DIAPH3: variants seen among roughly 807,000 people sequenced by gnomAD.
The protein encoded by DIAPH3 is protein diaphanous homolog 3.
In DIAPH3, 117 loss-of-function variants were observed where a neutral mutation model predicts 144.3. That is an observed-to-expected ratio of 0.81 (90% CI 0.70 to 0.95). The LOEUF (loss-of-function observed/expected upper bound fraction) is 0.95. Ranked by LOEUF, DIAPH3 falls within the 40% of genes least tolerant of loss-of-function variation. DIAPH3 has a pLI of 0.00. For missense variants in DIAPH3, 1,421 were observed against 1,412.7 expected (o/e 1.01, Z -0.09); for synonymous variants, 519 against 488.9 (o/e 1.06, Z -0.81).
At chr13:59,907,513 CA>C (rs905089454) in intron 20 of DIAPH3, among the ~76,000 whole-genome samples, 2 of 151,704 alleles carry the variant, frequency 1.3e-5, no homozygotes, top group South Asian at 2.1e-4. Flanking sequence ...TGATCATCTA[CA>C]AAAAAAAGTC....
rs146851359 is a variant in DIAPH3, at chr13:59,907,710, G to A, written c.2367+4025C>T. Among the ~76,000 whole-genome samples the A allele has an allele frequency of 4.7e-4, 71 of 152,284 alleles. No individual in the cohort carries two copies. In the East Asian group the frequency reaches 0.012, roughly 25 times the overall value. On this transcript the variant is annotated intron_variant, in intron 20 of 27. Transcript: ENST00000400324. ...CATGTCCAGTGACAAGAACCACAAG[G>A]AGATCAGTTCAAGAAGGTAACTTAA...
At chr13:59,761,054 A>C (rs4886194) in intron 27 of DIAPH3, among the ~76,000 whole-genome samples, 3 of 152,038 alleles carry the variant, frequency 2.0e-5, no homozygotes, top group African/African-American at 7.3e-5. Flanking sequence ...AATAATTTCT[A>C]ATTTACTTGG....
intron 27 of DIAPH3, among the ~76,000 whole-genome samples, chr13:59,700,136 CCA>C (rs1207520415): frequency 6.6e-6 from 1 of 152,162 alleles, no homozygotes; most frequent in Non-Finnish European, 1.5e-5. Context: ...AGCGTTACCA[CCA>C]TTTTCCCATT....
chr13:59,958,150 T>C (rs1011633544), intron 17 of DIAPH3, among the ~76,000 whole-genome samples: 4 of 152,198 alleles, frequency 2.6e-5, no homozygotes, highest in African/African-American at 9.6e-5. Context: ...ATTTTTCCAA[T>C]TAAAATAAAC....
chr13:60,014,969 T>TTTTTGTTTTG (rs71089521), intron 7 of DIAPH3, among the ~76,000 whole-genome samples: 39,523 of 146,906 alleles, frequency 0.27, 5,870 homozygotes, highest in Middle Eastern at 0.36. Flanking sequence ...TTTTCTAGTT[T>TTTTTGTTTTG]TTTTGTTTTG....
At chr13:59,797,910 G>T (rs143939674) in intron 25 of DIAPH3, among the ~76,000 whole-genome samples, 3 of 152,136 alleles carry the variant, frequency 2.0e-5, no homozygotes, top group Non-Finnish European at 4.4e-5. Context: ...CTCTATGAAA[G>T]AAGTTAATAG....
At position 59,858,490 on chromosome 13, in the gene DIAPH3, G is replaced by C. The variant is rs576639027; in HGVS notation, c.2737+2917C>G. Among the ~76,000 whole-genome samples, 7 of 152,212 alleles carry C rather than the reference G, an allele frequency of 4.6e-5. No individual in the cohort carries two copies. In the East Asian group the frequency reaches 1.4e-3, roughly 29 times the overall value. ...TAGCACGGTATTTCTAGAATTAAGA[G>C]TTGACTAGGAAAGGATGGAAATACA... On this transcript the variant is annotated intron_variant, in intron 22 of 27. Transcript: ENST00000400324.
chr13:59,761,071 A>ATT (rs1232505302), intron 27 of DIAPH3, among the ~76,000 whole-genome samples: 1 of 152,206 alleles, frequency 6.6e-6, no homozygotes, highest in Non-Finnish European at 1.5e-5. Context: ...TTGGGAATCA[A>ATT]TGAGACATTA....
At chr13:60,146,559 T>C (rs763289688) in intron 1 of DIAPH3, among the ~76,000 whole-genome samples, 1 of 152,146 alleles carries the variant, frequency 6.6e-6, no homozygotes, top group Non-Finnish European at 1.5e-5. Context: ...TGTACCTAAT[T>C]TGCACTGTGC....
intron 19 of DIAPH3, among the ~76,000 whole-genome samples, chr13:59,915,026 G>A (rs1245672966): frequency 2.0e-5 from 3 of 151,964 alleles, no homozygotes; most frequent in African/African-American, 7.2e-5. Flanking sequence ...AAAACCACAT[G>A]TTCATTTAAA....
intron 2 of DIAPH3, among the ~76,000 whole-genome samples, chr13:60,131,451 A>C (rs1300033385): frequency 6.6e-6 from 1 of 151,128 alleles, no homozygotes; most frequent in African/African-American, 2.4e-5. Context: ...AAAAAAAAAA[A>C]AAAAAAAAAC....
chr13:60,077,075 T>G (rs758363587), intron 4 of DIAPH3, among the ~76,000 whole-genome samples: 3 of 152,124 alleles, frequency 2.0e-5, no homozygotes, highest in Non-Finnish European at 4.4e-5. Context: ...TCTTTGATTT[T>G]AATAATTTTA....
At chr13:60,162,809 TCACACACACACACA>T (rs35687460) in intron 1 of DIAPH3, among the ~76,000 whole-genome samples, 1 of 122,518 alleles carries the variant, frequency 8.2e-6, no homozygotes, top group South Asian at 2.9e-4. Context: ...TCTCTCTCTC[TCACACACACACACA>T]CACACACACA....
chr13:60,143,511 T>C (rs1405700274), intron 1 of DIAPH3, among the ~76,000 whole-genome samples: 2 of 152,192 alleles, frequency 1.3e-5, no homozygotes, highest in East Asian at 3.9e-4. Flanking sequence ...GTTCAGAAAC[T>C]TTGACCAATG....
intron 7 of DIAPH3, among the ~76,000 whole-genome samples, chr13:60,015,510 C>G (rs981621748): frequency 2.6e-5 from 4 of 151,896 alleles, no homozygotes; most frequent in Admixed American, 6.6e-5. Context: ...ATTTAATAAT[C>G]ATGATCTTAA....
At chr13:59,907,605 CAT>C (rs1254598341) in intron 20 of DIAPH3, among the ~76,000 whole-genome samples, 3 of 152,298 alleles carry the variant, frequency 2.0e-5, no homozygotes, top group African/African-American at 4.8e-5. Flanking sequence ...CTTACGACCA[CAT>C]GTTACCAGCA....
At chr13:59,710,221 T>C (rs980961157) in intron 27 of DIAPH3, among the ~76,000 whole-genome samples, 2 of 146,308 alleles carry the variant, frequency 1.4e-5, no homozygotes, top group African/African-American at 5.1e-5. Flanking sequence ...ATTGTGCACA[T>C]GTACCCTAAA....
intron 27 of DIAPH3, among the ~76,000 whole-genome samples, chr13:59,763,313 T>C (rs2037702749): frequency 6.6e-6 from 1 of 152,048 alleles, no homozygotes; most frequent in Non-Finnish European, 1.5e-5. Context: ...CATGTGTATA[T>C]ATGTATATAC....
At chr13:59,712,959 T>C (rs548243942) in intron 27 of DIAPH3, among the ~76,000 whole-genome samples, 4 of 152,282 alleles carry the variant, frequency 2.6e-5, no homozygotes, top group South Asian at 2.1e-4. Flanking sequence ...AATACACAAC[T>C]ATATATCTCG....
Sources: allele counts gnomAD v4.1 joint callset (sites outside exome capture counted in the v4.1 genomes callset), GRCh38; gene constraint gnomAD v4.1.1; transcripts MANE v1.5; gene names NCBI Gene and HGNC (gene_info 2026-07-23, HGNC 2026-07-21).